Variants in CFAP61 observed in about 807,000 individuals in gnomAD.
CFAP61 encodes cilia- and flagella-associated protein 61.
In CFAP61, 107 loss-of-function variants were observed where a neutral mutation model predicts 135.6. That is an observed-to-expected ratio of 0.79 (90% CI 0.67 to 0.93). The LOEUF (loss-of-function observed/expected upper bound fraction) is 0.93. Ranked by LOEUF, CFAP61 falls within the 40% of genes least tolerant of loss-of-function variation. The pLI, the probability that CFAP61 is intolerant of heterozygous loss-of-function variation, is 0.00. For synonymous variants in CFAP61, 575 were observed against 578.5 expected (o/e 0.99, Z 0.09); for missense variants, 1,507 against 1,556.2 (o/e 0.97, Z 0.53).
At chr20:20,326,347 C>T (rs1277815852) in intron 25 of CFAP61, among the ~76,000 whole-genome samples, 1 of 152,038 alleles carries the variant, frequency 6.6e-6, no homozygotes, top group Non-Finnish European at 1.5e-5. Context: ...CATAATCAAA[C>T]CGTCTCTAAC....
intron 17 of CFAP61, among the ~76,000 whole-genome samples, chr20:20,218,990 A>G (rs1601463636): frequency 1.3e-5 from 2 of 152,238 alleles, no homozygotes; most frequent in East Asian, 1.9e-4. Flanking sequence ...CACTTTACCA[A>G]TCTGAAACTA....
At chr20:20,181,015 G>A (rs778116229) in intron 13 of CFAP61, among the ~76,000 whole-genome samples, 2 of 151,866 alleles carry the variant, frequency 1.3e-5, no homozygotes, top group African/African-American at 2.4e-5. Context: ...GAGGGTGGAG[G>A]GTGGGAGGAG....
At chr20:20,246,253 A>G in intron 19 of CFAP61, 38 bp downstream of exon 19, 3 of 1,223,070 alleles carry the variant, frequency 2.5e-6, no homozygotes, top group Non-Finnish European at 2.4e-6. Flanking sequence ...TGAGGCCTAA[A>G]TGTCCTACTC....
At chr20:20,312,879 AC>A (rs766506126) in intron 25 of CFAP61, among the ~76,000 whole-genome samples, 17 of 151,942 alleles carry the variant, frequency 1.1e-4, no homozygotes, top group African/African-American at 3.9e-4. Context: ...AACATGGCAT[AC>A]CCCCCCATAT....
intron 21 of CFAP61, among the ~76,000 whole-genome samples, chr20:20,268,691 T>TG (rs1003709307): frequency 6.6e-6 from 1 of 152,166 alleles, no homozygotes; most frequent in African/African-American, 2.4e-5. Flanking sequence ...AAACAAAACC[T>TG]GGAGTGTTCT....
chr20:20,200,971 G>T (rs1381142197), intron 17 of CFAP61: 3 of 984,766 alleles, frequency 3.0e-6, no homozygotes, highest in Non-Finnish European at 3.6e-6. Flanking sequence ...CTTTATATTT[G>T]TAAAATAACA....
chr20:20,155,273 C>A (rs928778137), intron 9 of CFAP61, among the ~76,000 whole-genome samples: 1 of 152,096 alleles, frequency 6.6e-6, no homozygotes, highest in Non-Finnish European at 1.5e-5. Context: ...CAAAGATCAA[C>A]TCAAGATGGA....
chr20:20,080,133 C>T (rs899901062), intron 6 of CFAP61, among the ~76,000 whole-genome samples: 1 of 152,048 alleles, frequency 6.6e-6, no homozygotes, highest in Non-Finnish European at 1.5e-5. Context: ...AAAATGAATT[C>T]TAGTTTCAAA....
At chr20:20,311,784 A>C (rs1200580852) in intron 25 of CFAP61, among the ~76,000 whole-genome samples, 1 of 152,204 alleles carries the variant, frequency 6.6e-6, no homozygotes, top group Non-Finnish European at 1.5e-5. Flanking sequence ...AAACTGCCCA[A>C]GACAGGGGAA....
rs143062253 is a variant in CFAP61, at chr20:20,261,332, G to A, written c.2329-1624G>A. 3.8e-3 allele frequency among the ~76,000 whole-genome samples: 584 copies of A among 152,314 alleles called. 4 individuals are homozygous for A. The highest frequency in any genetic ancestry group is 0.013 in the African/African-American group (550 of 41,574). The stretch of plus-strand genomic sequence containing the variant: ...TTTAAGCACCAGCCAGCATTTGCCT[G>A]CTTGTCAAAGGAGAAAGAACTTCCT... On this transcript the variant is annotated intron_variant, in intron 20 of 26. Transcript: ENST00000245957.
chr20:20,066,156 T>A (rs1268406697), intron 2 of CFAP61, among the ~76,000 whole-genome samples: 1 of 152,098 alleles, frequency 6.6e-6, no homozygotes. Flanking sequence ...AGAATGGCGA[T>A]CATTAAAAAG....
intron 25 of CFAP61, among the ~76,000 whole-genome samples, chr20:20,307,499 T>A (rs1467406214): frequency 1.3e-5 from 2 of 152,222 alleles, no homozygotes; most frequent in Non-Finnish European, 2.9e-5. Flanking sequence ...CACATCAATA[T>A]TATCCTTTAT....
Position 20,360,368 on chromosome 20 carries a change from C to A in CFAP61, c.3672C>A (p.Asn1224Lys). 1 of 1,613,900 alleles carries A rather than the reference C, an allele frequency of 6.2e-7. No homozygotes were observed. Among genetic ancestry groups the A allele is most frequent in the East Asian group, 2.2e-5 (1 of 44,886 alleles). Residue 1224 changes from asparagine to lysine, a missense_variant, in exon 27 of 27, where the codon AAC (asparagine) becomes AAA (lysine). Asn to Lys is a moderately conservative substitution (Grantham distance 94). Transcript: ENST00000245957. ...ERSTLDYLHY[N>K]RYHLPMYAWP... ...GCACTCTTGACTACCTGCACTATAA[C>A]CGCTACCACCTGCCCATGTACGCGT...
chr20:20,254,618 GGCAGCT>G (rs2075853864), intron 20 of CFAP61, among the ~76,000 whole-genome samples: 1 of 152,156 alleles, frequency 6.6e-6, no homozygotes, highest in Non-Finnish European at 1.5e-5. Context: ...GTACAGAAAG[GGCAGCT>G]GAATTCACTG....
chr20:20,168,356 CT>C (rs1301887527), intron 12 of CFAP61, among the ~76,000 whole-genome samples: 1 of 152,182 alleles, frequency 6.6e-6, no homozygotes, highest in Non-Finnish European at 1.5e-5. Flanking sequence ...AGAACTGTGC[CT>C]GGGCAAATTT....
rs566965532 is a variant in CFAP61 at position 20,288,379 on chromosome 20, C to T, written c.2797-230C>T. On this transcript the variant is annotated intron_variant, in intron 22 of 26. Transcript: ENST00000245957. ...ATTTCATCACCTGGCATCCTTCTCTCCACTGGATGAGTGAATTGAGTGAAT... is the reference window on the plus strand; with the variant it reads ...ATTTCATCACCTGGCATCCTTCTCTTCACTGGATGAGTGAATTGAGTGAAT... Among the ~76,000 whole-genome samples the T allele has an allele frequency of 5.3e-5, 8 of 152,314 alleles. No individual in the cohort carries two copies. The South Asian group carries it at 1.7e-3, about 32-fold the overall frequency.
In CFAP61 at chr20:20,211,166, A is replaced by G. The variant is rs547250213; in HGVS notation, c.1932+11264A>G. ...TCATCAAATCCAGAGGGAAAATGGC[A>G]TTTGAGTTCATCAGAGGCAGAGGAT... On this transcript the variant is annotated intron_variant, in intron 17 of 26. Transcript: ENST00000245957. 3.3e-5 allele frequency among the ~76,000 whole-genome samples: 5 copies of G among 152,324 alleles called. No individual in the cohort carries two copies. The East Asian group carries it at 9.7e-4, about 29-fold the overall frequency.
chr20:20,229,732 G>T (rs1357959482), intron 18 of CFAP61, among the ~76,000 whole-genome samples: 1 of 152,186 alleles, frequency 6.6e-6, no homozygotes, highest in African/African-American at 2.4e-5. Flanking sequence ...AGTTTGTTCA[G>T]TTCTCCAGAA....
At chr20:20,158,242 A>T (rs552924588) in intron 9 of CFAP61, among the ~76,000 whole-genome samples, 22 of 148,494 alleles carry the variant, frequency 1.5e-4, no homozygotes, top group Admixed American at 3.3e-4. Flanking sequence ...AAAGTATATT[A>T]AAAAAAATAG....
Sources: allele counts gnomAD v4.1 joint callset (sites outside exome capture counted in the v4.1 genomes callset), GRCh38; gene constraint gnomAD v4.1.1; transcripts MANE v1.5; gene names NCBI Gene and HGNC (gene_info 2026-07-23, HGNC 2026-07-21).